The following TEAD3 variants were observed in gnomAD, a reference collection of about 807,000 sequenced individuals.
TEAD3 encodes the protein TEA domain transcription factor 3, also known as transcriptional enhancer factor TEF-5.
TEAD3 carries 15 observed loss-of-function variants against 55.6 expected under a neutral mutation model. The ratio of observed to expected loss-of-function variants is 0.27; its 90% CI spans 0.18 to 0.42. The LOEUF (loss-of-function observed/expected upper bound fraction) is 0.42, where lower values mean the gene tolerates loss of function less well. Among genes scored for constraint, TEAD3 ranks in the 10% least tolerant of loss-of-function variants. TEAD3 has a pLI of 1.00. For missense variants in TEAD3, 407 were observed against 576.8 expected (o/e 0.71, Z 3.01); for synonymous variants, 210 against 232.2 (o/e 0.90, Z 0.87).
rs753717371 is a variant in TEAD3, at chr6:35,486,543, C to A, written c.120G>T (p.Glu40Asp). Residue 40 changes from glutamate to aspartate, a missense_variant, in exon 2 of 13, where the codon GAG becomes GAT. Glu to Asp is a conservative substitution (Grantham distance 45). Transcript: ENST00000639578. This position sits in a 1 kb window ranked among gnomAD's most constrained non-coding sequence, Gnocchi z 7.3. ...TGGCCAGGGCCTCCTGGAAGCTCTG[C>A]TCGATGTCCGGGCTCCACACGCCCT... 5.0e-6 allele frequency: 8 copies of A among 1,613,704 alleles called. No individual in the cohort carries two copies. The highest frequency in any genetic ancestry group is 6.8e-6 in the Non-Finnish European group (8 of 1,179,814).
In TEAD3 at chr6:35,475,449, G is replaced by A. The variant is rs779688383; in HGVS notation, c.1081C>T (p.Arg361Cys). 6.8e-6 allele frequency: 11 copies of A among 1,613,678 alleles called. No individual in the cohort carries two copies. The highest frequency in any genetic ancestry group is 1.6e-4 in the Middle Eastern group (1 of 6,080). Residue 361 changes from arginine to cysteine, a missense_variant, in exon 12 of 13, where the codon CGT (arginine) becomes TGT (cysteine). By Grantham distance (180) the Arg-to-Cys change is radical (BLOSUM62 -3). Coordinates refer to ENST00000639578, the Ensembl canonical transcript of TEAD3. The surrounding 1 kb of genome is among the most constrained non-coding windows in gnomAD (Gnocchi z 5.4). ...TCGCACATGGGCGAGCGGTGGATAC[G>A]GTACACAAAGCGCCCGTTCTCCAGC...
chr6:35,476,517 C>G (rs569957323), intron 8 of TEAD3, 82 bp from the exon 9 acceptor site: 743 of 1,567,904 alleles, frequency 4.7e-4, no homozygotes, highest in Non-Finnish European at 6.1e-4. Flanking sequence ...TGCAAAGGTG[C>G]CCCTTTTGGG....
rs1309105483 is a variant in TEAD3, at chr6:35,486,343, C to A, written c.202+118G>T. ...AGGAGGATCCAGACACACAGGCTTG[C>A]GCGCCCAGACTCGCCCGGCCAGCGG... On this transcript the variant is annotated intron_variant, in intron 2 of 12. Coordinates refer to ENST00000639578, the Ensembl canonical transcript of TEAD3. The surrounding 1 kb of genome is among the most constrained non-coding windows in gnomAD (Gnocchi z 7.3). The A allele has an allele frequency of 4.1e-6, 5 of 1,207,772 alleles. No homozygotes were observed. Among genetic ancestry groups the A allele is most frequent in the Non-Finnish European group, 5.7e-6 (5 of 873,562 alleles). 74.8% of individuals were successfully genotyped at this position (1,207,772 alleles called of 1,614,324 possible).
chr6:35,482,567 A>G (rs1427222030), intron 3 of TEAD3, among the ~76,000 whole-genome samples: 2 of 152,202 alleles, frequency 1.3e-5, no homozygotes, highest in African/African-American at 4.8e-5. Context: ...CCCTGAATTC[A>G]GGGGCTGGGA....
In TEAD3 at chr6:35,477,381, A is replaced by G; in HGVS notation, c.531-9T>C. The G allele has an allele frequency of 1.2e-6, 2 of 1,600,072 alleles. No homozygotes were observed. Among genetic ancestry groups the G allele is most frequent in the South Asian group, 1.1e-5 (1 of 90,794 alleles). On this transcript the variant is annotated splice_polypyrimidine_tract_variant and intron_variant, in intron 7 of 12. Transcript: ENST00000639578. Reference sequence around the variant, plus strand: ...GTGCAAAGGGCTTGATGCTGCAGACAGGAGCACAGCCTGGTGAGAGGGTTC... The same window carrying G: ...GTGCAAAGGGCTTGATGCTGCAGACGGGAGCACAGCCTGGTGAGAGGGTTC...
intron 5 of TEAD3, 98 bp from the exon 6 acceptor site, chr6:35,478,669 G>T: frequency 7.0e-7 from 1 of 1,423,358 alleles, no homozygotes; most frequent in Non-Finnish European, 9.4e-7. Context: ...CAAAGCACTA[G>T]GATGGCAGGT....
rs1355780091 is a variant in TEAD3, at chr6:35,476,523, T to C, written c.593-88A>G. 1.2e-5 allele frequency: 18 copies of C among 1,554,390 alleles called. No individual in the cohort carries two copies. The East Asian group carries it at 3.8e-4, about 33-fold the overall frequency. On this transcript the variant is annotated intron_variant, in intron 8 of 12. Transcript: ENST00000639578. ...CCCCCAGCTTGCAAAGGTGCCCCTT[T>C]TGGGAAGGAACATGAGTTGGATTTT... is the stretch of plus-strand genomic sequence containing the variant.
Position 35,484,699 on chromosome 6 carries a change from G to A in TEAD3, c.203-75C>T. The A allele has an allele frequency of 1.5e-6, 2 of 1,345,144 alleles. No individual in the cohort carries two copies. Among genetic ancestry groups the A allele is most frequent in the Non-Finnish European group, 2.1e-6 (2 of 960,372 alleles). 83.3% of individuals were successfully genotyped at this position (1,345,144 alleles called of 1,614,324 possible). Reference sequence around the variant, plus strand: ...GAGGCTGGAGGCCCCCACCCCACCGGGAAGCCACTCCAGGACCCTCCCCAA... The same window carrying A: ...GAGGCTGGAGGCCCCCACCCCACCGAGAAGCCACTCCAGGACCCTCCCCAA... On this transcript the variant is annotated intron_variant, in intron 2 of 12. Transcript: ENST00000639578. This position sits in a 1 kb window ranked among gnomAD's most constrained non-coding sequence, Gnocchi z 5.8.
Position 35,476,164 on chromosome 6 carries a change from T to C in TEAD3, c.727-72A>G, listed in dbSNP as rs73415617. The C allele has an allele frequency of 2.2e-3, 3,379 of 1,533,190 alleles. 50 individuals are homozygous for C. In the African/African-American group the frequency reaches 0.035, roughly 16 times the overall value. The allele number at this position is 1,533,190 out of a possible 1,614,324, so 95.0% of individuals were successfully genotyped here. A position where few individuals can be genotyped will look rare whatever the true frequency, so the allele number is the denominator to read the frequency against. Reference sequence around the variant, plus strand: ...GGCCCGGGGGCGGGGAAGGGAGCACTGCACAGGTATAGAATTGCCTAGGGC... The same window carrying C: ...GGCCCGGGGGCGGGGAAGGGAGCACCGCACAGGTATAGAATTGCCTAGGGC... On this transcript the variant is annotated intron_variant, in intron 9 of 12. Coordinates refer to ENST00000639578, the Ensembl canonical transcript of TEAD3.
chr6:35,481,012 AC>A (rs1466699896), intron 3 of TEAD3, among the ~76,000 whole-genome samples: 1 of 151,358 alleles, frequency 6.6e-6, no homozygotes, highest in African/African-American at 2.4e-5. Context: ...GTCAACCCCA[AC>A]CACAGCCCCA....
intron 8 of TEAD3, among the ~76,000 whole-genome samples, chr6:35,476,822 T>C (rs113248689): frequency 0.094 from 13,442 of 142,800 alleles, 1,313 homozygotes; most frequent in African/African-American, 0.29. Flanking sequence ...GTATTGGCTA[T>C]GGTTTTTTTG....
At chr6:35,474,933 C>G (rs1199039926) in exon 13 of TEAD3, 7 of 915,020 alleles carry the variant, frequency 7.7e-6, no homozygotes, top group Non-Finnish European at 1.1e-5. Flanking sequence ...GGTCCTGGGC[C>G]TGAGGCCTGG....
intron 3 of TEAD3, among the ~76,000 whole-genome samples, chr6:35,481,341 G>T (rs539773327): frequency 6.6e-6 from 1 of 152,044 alleles, no homozygotes; most frequent in Non-Finnish European, 1.5e-5. Context: ...GATCCTTGAC[G>T]CCGCTTCACG....
chr6:35,477,353 G>A (rs1312884350), exon 8 of TEAD3: 1 of 1,603,272 alleles, frequency 6.2e-7, no homozygotes, highest in East Asian at 2.2e-5. Context: ...GGGTAGGCTG[G>A]CTGTGCAAAG....
chr6:35,495,424 G>T (rs369922743), intron 1 of TEAD3, among the ~76,000 whole-genome samples: 4 of 152,106 alleles, frequency 2.6e-5, no homozygotes, highest in Admixed American at 1.3e-4. Context: ...TCCCTCCCTG[G>T]GGGGGTAGGG....
In TEAD3 at chr6:35,486,617, G is replaced by A; in HGVS notation, c.46C>T (p.Arg16Trp). 6.2e-7 allele frequency: 1 copy of A among 1,613,150 alleles called. No individual in the cohort carries two copies. Among genetic ancestry groups the A allele is most frequent in the Non-Finnish European group, 8.5e-7 (1 of 1,179,762 alleles). The change falls in exon 2 of 13, where the codon CGG (arginine) becomes TGG (tryptophan). Residue 16 changes from arginine (R) to tryptophan (W), a missense_variant. Physicochemically the swap from Arg to Trp is moderately radical, Grantham distance 101. Transcript: ENST00000639578. This position sits in a 1 kb window ranked among gnomAD's most constrained non-coding sequence, Gnocchi z 7.3. ...TCCAGGCCCTCGGGCCCATCCTCCCGGGCCTCCCCGGGGCTGCTGCTGGCG... is the reference window on the plus strand; with the variant it reads ...TCCAGGCCCTCGGGCCCATCCTCCCAGGCCTCCCCGGGGCTGCTGCTGGCG...
In TEAD3 at chr6:35,475,237, C is replaced by T; in HGVS notation, c.1195-80G>A. ...GCAGGGGGCTGAACAGACCATTCTC[C>T]TTTCCGGATCTATGCCTCTCAGCCA... On this transcript the variant is annotated intron_variant, in intron 12 of 12. Coordinates refer to ENST00000639578, the Ensembl canonical transcript of TEAD3. The surrounding 1 kb of genome is among the most constrained non-coding windows in gnomAD (Gnocchi z 5.4). 1 of 1,591,940 alleles carries T rather than the reference C, an allele frequency of 6.3e-7. No homozygotes were observed. Among genetic ancestry groups the T allele is most frequent in the Non-Finnish European group, 8.6e-7 (1 of 1,168,168 alleles).
chr6:35,484,504 G>A lies in TEAD3; in HGVS notation c.267+56C>T, dbSNP rs572563418. 43 of 1,537,232 alleles carry A rather than the reference G, an allele frequency of 2.8e-5. No homozygotes were observed. Among genetic ancestry groups the A allele is most frequent in the Middle Eastern group, 1.7e-4 (1 of 5,884 alleles). ...GCAGGGTAGGGGCAAGGGGTTGACC[G>A]GGGCAGCTGAGACAGAGTGTGTGGG... On this transcript the variant is annotated intron_variant, in intron 3 of 12. Transcript: ENST00000639578. The surrounding 1 kb of genome is among the most constrained non-coding windows in gnomAD (Gnocchi z 5.8).
At chr6:35,490,949 G>A (rs1304293116) in intron 1 of TEAD3, among the ~76,000 whole-genome samples, 1 of 152,022 alleles carries the variant, frequency 6.6e-6, no homozygotes, top group Non-Finnish European at 1.5e-5. Context: ...GCCATGAAGA[G>A]GGGTAGGAGA....
Sources: allele counts gnomAD v4.1 joint callset (sites outside exome capture counted in the v4.1 genomes callset), GRCh38; gene constraint gnomAD v4.1.1; non-coding constraint Gnocchi (gnomAD v3.1); transcripts MANE v1.5; gene names NCBI Gene and HGNC (gene_info 2026-07-23, HGNC 2026-07-21).